Variants in DCAKD observed in about 807,000 individuals in gnomAD.
DCAKD encodes dephospho-CoA kinase domain containing.
In DCAKD, 15 loss-of-function variants were observed where a neutral mutation model predicts 18.7. The ratio of observed to expected loss-of-function variants is 0.80; its 90% CI spans 0.54 to 1.24. The LOEUF is 1.24. Ranked by LOEUF, DCAKD falls within the 50% of genes most tolerant of loss-of-function variation. The probability of loss-of-function intolerance (pLI) is 0.00; values close to 1 mark genes in which losing one functional copy is unlikely to be tolerated. For synonymous variants in DCAKD, 130 were observed against 133.0 expected (o/e 0.98, Z 0.16); for missense variants, 301 against 322.0 (o/e 0.93, Z 0.50).
intron 1 of DCAKD, among the ~76,000 whole-genome samples, chr17:45,049,924 G>A (rs1472448954): frequency 6.6e-6 from 1 of 151,894 alleles, no homozygotes; most frequent in Admixed American, 6.6e-5. Flanking sequence ...GTTTCACCAT[G>A]TTGGCCAGGC....
chr17:45,026,381 C>A (rs1038853482), intron 4 of DCAKD, among the ~76,000 whole-genome samples: 32 of 152,074 alleles, frequency 2.1e-4, no homozygotes, highest in Admixed American at 1.6e-3. Context: ...GCGCCCGCCA[C>A]CACACCTGGC....
chr17:45,033,100 C>G (rs1400549508), intron 3 of DCAKD, among the ~76,000 whole-genome samples: 1 of 152,190 alleles, frequency 6.6e-6, no homozygotes, highest in Non-Finnish European at 1.5e-5. Context: ...AATCCCAGCA[C>G]TTTGGGAGGA....
intron 4 of DCAKD, among the ~76,000 whole-genome samples, chr17:45,027,406 A>C (rs951571874): frequency 6.6e-6 from 1 of 152,250 alleles, no homozygotes; most frequent in African/African-American, 2.4e-5. Flanking sequence ...CAAATGCACC[A>C]GGGGTAGTCT....
At chr17:45,056,910 G>A (rs975389066) in intron 1 of DCAKD, among the ~76,000 whole-genome samples, 1 of 152,112 alleles carries the variant, frequency 6.6e-6, no homozygotes, top group Non-Finnish European at 1.5e-5. Context: ...TGGGACTACA[G>A]ACGCCCGCCA....
chr17:45,031,191 G>A (rs2053164844), intron 3 of DCAKD: 3 of 985,286 alleles, frequency 3.0e-6, no homozygotes, highest in Non-Finnish European at 3.6e-6. Flanking sequence ...TTCCAAGGGT[G>A]TCACGGGAAA....
At chr17:45,033,815 C>G (rs536256704) in intron 3 of DCAKD, 8 of 1,141,066 alleles carry the variant, frequency 7.0e-6, no homozygotes, top group Non-Finnish European at 8.9e-6. Flanking sequence ...GAGCTGAGGG[C>G]GAGATCACTC....
intron 4 of DCAKD, among the ~76,000 whole-genome samples, chr17:45,026,301 C>A (rs1481136897): frequency 6.7e-6 from 1 of 148,228 alleles, no homozygotes. Flanking sequence ...GATCTCGGCT[C>A]ACTGCAACCT....
At chr17:45,052,726 G>A (rs73313212), upstream of DCAKD, among the ~76,000 whole-genome samples, 919 of 151,886 alleles carry the variant, frequency 6.1e-3, 11 homozygotes, top group African/African-American at 0.021. Context: ...AAACTAGCCA[G>A]GCATGGTGAC....
intron 4 of DCAKD, among the ~76,000 whole-genome samples, chr17:45,027,364 A>G (rs939220442): frequency 1.3e-5 from 2 of 152,224 alleles, no homozygotes; most frequent in Non-Finnish European, 2.9e-5. Flanking sequence ...GTTTTGGTAT[A>G]ATCACACTTC....
chr17:45,031,820 G>A, intron 3 of DCAKD: 1 of 985,460 alleles, frequency 1.0e-6, no homozygotes, highest in Non-Finnish European at 1.2e-6. Context: ...TGCCTACACA[G>A]AGAAGTCCCC....
Position 45,034,895 on chromosome 17 carries a change from AAG to A in DCAKD, c.-12_-11del, listed in dbSNP as rs1285818372. The A allele has an allele frequency of 1.9e-6, 3 of 1,613,852 alleles. No homozygotes were observed. Among genetic ancestry groups the A allele is most frequent in the East Asian group, 2.2e-5 (1 of 44,888 alleles). On this transcript the variant is annotated 5_prime_UTR_variant, in exon 2 of 5. Coordinates refer to ENST00000651974, the MANE Select transcript of DCAKD (RefSeq NM_001288655.2). ...GGCCCACCAGAAACATCTTCCAGGA[AAG>A]AGAGCTGTCCGCGAGACTACGGAGC... is the stretch of plus-strand genomic sequence containing the variant.
At chr17:45,030,981 C>A in intron 3 of DCAKD, 1 of 985,416 alleles carries the variant, frequency 1.0e-6, no homozygotes, top group Non-Finnish European at 1.2e-6. Flanking sequence ...GTGGGCTACA[C>A]GCTCCTCGTT....
At chr17:45,035,619 G>C (rs1430832087) in intron 1 of DCAKD, among the ~76,000 whole-genome samples, 1 of 152,012 alleles carries the variant, frequency 6.6e-6, no homozygotes, top group Non-Finnish European at 1.5e-5. Context: ...CAACTTCCTA[G>C]AGGAAGGAGA....
At chr17:45,025,995 T>C (rs934986520) in intron 4 of DCAKD, among the ~76,000 whole-genome samples, 2 of 151,938 alleles carry the variant, frequency 1.3e-5, no homozygotes, top group African/African-American at 4.8e-5. Flanking sequence ...CTCTGCTCAC[T>C]GTAGCCTCTG....
chr17:45,049,961 A>T (rs981441509), intron 1 of DCAKD, among the ~76,000 whole-genome samples: 3 of 151,926 alleles, frequency 2.0e-5, no homozygotes, highest in Admixed American at 6.6e-5. Flanking sequence ...ACCTCAGGTG[A>T]TCTGCCTGCC....
intron 4 of DCAKD, among the ~76,000 whole-genome samples, chr17:45,029,032 T>TA (rs1420493758): frequency 2.0e-5 from 3 of 152,334 alleles, no homozygotes; most frequent in East Asian, 3.9e-4. Context: ...AAAATGTTTT[T>TA]ATCCCTAAAT....
At chr17:45,037,543 C>T (rs1350118198) in intron 1 of DCAKD, among the ~76,000 whole-genome samples, 1 of 151,536 alleles carries the variant, frequency 6.6e-6, no homozygotes, top group Non-Finnish European at 1.5e-5. Flanking sequence ...ACTGCAACCT[C>T]CGCCTCTCAG....
intron 1 of DCAKD, among the ~76,000 whole-genome samples, chr17:45,058,757 C>G (rs28477362): frequency 0.046 from 6,957 of 152,044 alleles, 515 homozygotes; most frequent in African/African-American, 0.16. Flanking sequence ...TCTGACCCCC[C>G]CCTTCCCTGC....
chr17:45,057,282 A>G (rs1159377049), intron 1 of DCAKD, among the ~76,000 whole-genome samples: 1 of 151,532 alleles, frequency 6.6e-6, no homozygotes, highest in Admixed American at 6.6e-5. Context: ...GGCTCAAGTG[A>G]TCCACCCATC....
Sources: allele counts gnomAD v4.1 joint callset (sites outside exome capture counted in the v4.1 genomes callset), GRCh38; gene constraint gnomAD v4.1.1; transcripts MANE v1.5; gene names NCBI Gene and HGNC (gene_info 2026-07-23, HGNC 2026-07-21).